The following NEK10 variants were observed in gnomAD, a reference collection of about 807,000 sequenced individuals.
NEK10 encodes the protein serine/threonine-protein kinase Nek10.
In NEK10, 122 loss-of-function variants were observed where a neutral mutation model predicts 159.8. The ratio of observed to expected loss-of-function variants is 0.76; its 90% CI spans 0.66 to 0.89. The LOEUF is 0.89. Ranked by LOEUF, NEK10 falls within the 40% of genes least tolerant of loss-of-function variation. NEK10 has a pLI of 0.00. For synonymous variants in NEK10, 466 were observed against 457.1 expected (o/e 1.02, Z -0.25); for missense variants, 1,342 against 1,323.1 (o/e 1.01, Z -0.22).
chr3:27,238,749 G>A (rs1954232531), intron 23 of NEK10, among the ~76,000 whole-genome samples: 2 of 55,972 alleles, frequency 3.6e-5, no homozygotes, highest in Non-Finnish European at 3.7e-5. Flanking sequence ...CCCCTTTCGT[G>A]TGTGTGTGTG....
intron 5 of NEK10, among the ~76,000 whole-genome samples, chr3:27,335,569 C>A (rs1454423277): frequency 6.6e-6 from 1 of 152,148 alleles, no homozygotes; most frequent in Non-Finnish European, 1.5e-5. Flanking sequence ...TACAGTTCTT[C>A]TCCTCAGTAC....
intron 22 of NEK10, among the ~76,000 whole-genome samples, chr3:27,258,720 T>C (rs572383622): frequency 1.3e-5 from 2 of 152,356 alleles, no homozygotes; most frequent in East Asian, 1.9e-4. Context: ...TTATAATTCT[T>C]TGGGTACATA....
chr3:27,166,100 GCA>G (rs975309729), intron 29 of NEK10, among the ~76,000 whole-genome samples: 3 of 152,176 alleles, frequency 2.0e-5, no homozygotes, highest in Admixed American at 2.0e-4. Context: ...CGAAACTACT[GCA>G]GCCACACCAT....
At chr3:27,117,247 T>C (rs1940597706) in intron 33 of NEK10, among the ~76,000 whole-genome samples, 1 of 152,250 alleles carries the variant, frequency 6.6e-6, no homozygotes, top group South Asian at 2.1e-4. Context: ...TTTGGGTTGA[T>C]TCCATGTCTT....
chr3:27,329,974 T>A (rs1356807906), intron 5 of NEK10, among the ~76,000 whole-genome samples: 4 of 152,244 alleles, frequency 2.6e-5, no homozygotes, highest in Admixed American at 2.6e-4. Flanking sequence ...CCTACACATA[T>A]TCTCACATGT....
In NEK10 at chr3:27,205,949, A is replaced by G. The variant is rs563750570; in HGVS notation, c.2091-3392T>C. Among the ~76,000 whole-genome samples the G allele has an allele frequency of 1.6e-4, 23 of 146,948 alleles. No individual in the cohort carries two copies. In the East Asian group the frequency reaches 4.6e-3, roughly 29 times the overall value. On this transcript the variant is annotated intron_variant, in intron 23 of 35. Coordinates refer to ENST00000691995, the MANE Select transcript of NEK10 (RefSeq NM_001394966.1). Reference sequence around the variant, plus strand: ...CTACAAAATGGGAGAAAATTTTCGCAACCTACTCATCTGACAAAGGGCTAA... The same window carrying G: ...CTACAAAATGGGAGAAAATTTTCGCGACCTACTCATCTGACAAAGGGCTAA...
At chr3:27,117,000 C>T (rs1217309952) in intron 33 of NEK10, among the ~76,000 whole-genome samples, 1 of 152,094 alleles carries the variant, frequency 6.6e-6, no homozygotes, top group Non-Finnish European at 1.5e-5. Context: ...CCAACAGGCC[C>T]CAGTGTGTGT....
chr3:27,273,403 G>C (rs1444709938), intron 22 of NEK10, among the ~76,000 whole-genome samples: 1 of 152,122 alleles, frequency 6.6e-6, no homozygotes, highest in Non-Finnish European at 1.5e-5. Context: ...AGTAGACATG[G>C]TTCATTGCTG....
intron 26 of NEK10, among the ~76,000 whole-genome samples, chr3:27,190,424 C>T (rs1196246924): frequency 6.6e-6 from 1 of 152,170 alleles, no homozygotes; most frequent in African/African-American, 2.4e-5. Flanking sequence ...TAATAGCTAA[C>T]TGTTGAAGCT....
intron 13 of NEK10, among the ~76,000 whole-genome samples, chr3:27,297,982 A>G (rs2043488331): frequency 6.6e-6 from 1 of 152,224 alleles, no homozygotes; most frequent in Non-Finnish European, 1.5e-5. Flanking sequence ...TATCATTGAT[A>G]CCATGATTAT....
Position 27,109,254 on chromosome 3 carries a change from C to G in NEK10, c.*2018G>C, listed in dbSNP as rs1939279103. 6.6e-6 allele frequency among the ~76,000 whole-genome samples: 1 copy of G among 152,038 alleles called. No homozygotes were observed. Among genetic ancestry groups the G allele is most frequent in the Non-Finnish European group, 1.5e-5 (1 of 68,006 alleles). On this transcript the variant is annotated 3_prime_UTR_variant, in exon 36 of 36. Coordinates refer to ENST00000691995, the MANE Select transcript of NEK10 (RefSeq NM_001394966.1). ...ATTAGCTGGGCATGGCAGCACATGC[C>G]TGTAATCCCAGTTACTCGGGAGGCT...
intron 30 of NEK10, among the ~76,000 whole-genome samples, chr3:27,148,659 G>A (rs1944536242): frequency 1.3e-5 from 2 of 152,090 alleles, no homozygotes; most frequent in Non-Finnish European, 2.9e-5. Context: ...TGGAATTTGA[G>A]GGTGATGCTT....
chr3:27,192,468 G>A (rs1170140034), intron 25 of NEK10, among the ~76,000 whole-genome samples: 1 of 152,092 alleles, frequency 6.6e-6, no homozygotes, highest in Non-Finnish European at 1.5e-5. Flanking sequence ...TTTGCACTTG[G>A]GCTGGAAGGT....
At chr3:27,141,938 T>A (rs561215247) in intron 30 of NEK10, among the ~76,000 whole-genome samples, 1 of 152,316 alleles carries the variant, frequency 6.6e-6, no homozygotes, top group East Asian at 1.9e-4. Context: ...GTTAAGAGGC[T>A]ATCATGCTTT....
chr3:27,219,508 C>A (rs185646301), intron 23 of NEK10, among the ~76,000 whole-genome samples: 20 of 152,292 alleles, frequency 1.3e-4, no homozygotes, highest in Non-Finnish European at 4.4e-5. Flanking sequence ...TCTTTTCTAT[C>A]TCTTTAGTGG....
rs566172697 is a variant in NEK10, at chr3:27,357,484, T to C, written c.-37-4565A>G. ...AGAGTTCTATATAAGAAAATACTCA[T>C]CGCTGTGCTTCTGAAACTATCTGTA... is the stretch of plus-strand genomic sequence containing the variant. On this transcript the variant is annotated intron_variant, in intron 1 of 35. Coordinates refer to ENST00000691995, the MANE Select transcript of NEK10 (RefSeq NM_001394966.1). Among the ~76,000 whole-genome samples, 18 of 152,256 alleles carry C rather than the reference T, an allele frequency of 1.2e-4. No homozygotes were observed. In the South Asian group the frequency reaches 1.9e-3, roughly 16 times the overall value.
intron 26 of NEK10, among the ~76,000 whole-genome samples, chr3:27,179,660 C>T (rs1947868630): frequency 6.6e-6 from 1 of 152,168 alleles, no homozygotes; most frequent in African/African-American, 2.4e-5. Context: ...TCCATCACAA[C>T]AATACTGACC....
intron 23 of NEK10, among the ~76,000 whole-genome samples, chr3:27,223,876 T>G (rs967285010): frequency 6.6e-6 from 1 of 152,218 alleles, no homozygotes; most frequent in Non-Finnish European, 1.5e-5. Context: ...CAAAACTAAA[T>G]TAATCACTTC....
At chr3:27,322,378 C>T (rs919540572) in intron 5 of NEK10, 117 bp from the exon 6 acceptor site, 3 of 652,484 alleles carry the variant, frequency 4.6e-6, no homozygotes, top group East Asian at 2.7e-5. Flanking sequence ...TTAATTTGCA[C>T]TGGGGACTGT....
Sources: gnomAD v4.1 joint callset for allele counts (sites outside exome capture counted in the v4.1 genomes callset) on GRCh38, gnomAD v4.1.1 for gene constraint, MANE v1.5 for transcripts, NCBI Gene and HGNC (gene_info 2026-07-23, HGNC 2026-07-21) for gene names.